ATP10B: variants seen among roughly 807,000 people sequenced by gnomAD.
The protein encoded by ATP10B is phospholipid-transporting ATPase VB.
A neutral mutation model predicts 141.2 loss-of-function variants in ATP10B; 122 were observed. The ratio of observed to expected loss-of-function variants is 0.86; its 90% CI spans 0.75 to 1.00. The LOEUF (loss-of-function observed/expected upper bound fraction) is 1.00. ATP10B is among the 50% of genes least tolerant of loss of function. The pLI is 0.00. For synonymous variants in ATP10B, 685 were observed against 692.0 expected (o/e 0.99, Z 0.16); for missense variants, 1,876 against 1,825.3 (o/e 1.03, Z -0.51).
At chr5:160,621,503 C>CT (rs977644942) in intron 14 of ATP10B, among the ~76,000 whole-genome samples, 35 of 152,212 alleles carry the variant, frequency 2.3e-4, no homozygotes, top group Non-Finnish European at 4.7e-4. Flanking sequence ...AATGGTACTT[C>CT]TTCCCCTCTT....
chr5:160,877,568 T>A, the ATP10B span, among the ~76,000 whole-genome samples: 34 of 150,470 alleles, frequency 2.3e-4, no homozygotes, highest in African/African-American at 8.0e-4. Flanking sequence ...TAAAGGGTAT[T>A]CAATTAGGAA....
In ATP10B at chr5:160,677,933, A is replaced by C. The variant is rs966365463; in HGVS notation, c.471-7266T>G. On this transcript the variant is annotated intron_variant, in intron 6 of 25. Transcript: ENST00000327245. ...TTGCAGCTTTATTAACAGCTGTACA[A>C]ATATGATATTCTAACATAGAGTCTA... 7.2e-5 allele frequency among the ~76,000 whole-genome samples: 11 copies of C among 152,312 alleles called. 1 individual carries two copies. The highest frequency in any genetic ancestry group is 2.4e-4 in the African/African-American group (10 of 41,572).
At chr5:160,707,079 T>C (rs1765061545) in intron 3 of ATP10B, among the ~76,000 whole-genome samples, 2 of 152,046 alleles carry the variant, frequency 1.3e-5, no homozygotes, top group South Asian at 2.1e-4. Flanking sequence ...GCCTCCCTAG[T>C]AGCCGGGATT....
chr5:160,822,877 G>A (rs1168789782), intron 1 of ATP10B, among the ~76,000 whole-genome samples: 1 of 150,696 alleles, frequency 6.6e-6, no homozygotes, highest in African/African-American at 2.4e-5. Context: ...GGGTAGTACA[G>A]GGTAGTTGGA....
the ATP10B span, among the ~76,000 whole-genome samples, chr5:160,875,413 C>T: frequency 6.2e-5 from 7 of 113,804 alleles, 1 homozygote; most frequent in African/African-American, 1.3e-4. Context: ...ACAACCAGTA[C>T]CAGCCACTGC....
intron 24 of ATP10B, among the ~76,000 whole-genome samples, chr5:160,584,585 G>A (rs1755769981): frequency 6.6e-6 from 1 of 151,860 alleles, no homozygotes; most frequent in African/African-American, 2.4e-5. Flanking sequence ...TTAATCTTAA[G>A]ATACTAAAAA....
At chr5:160,723,560 A>G (rs1766120094) in intron 2 of ATP10B, among the ~76,000 whole-genome samples, 1 of 152,194 alleles carries the variant, frequency 6.6e-6, no homozygotes, top group East Asian at 1.9e-4. Context: ...ATTTGTCCCC[A>G]AATGGCCATG....
chr5:160,613,648 A>G (rs1466613059), intron 17 of ATP10B, among the ~76,000 whole-genome samples: 1 of 152,218 alleles, frequency 6.6e-6, no homozygotes, highest in Non-Finnish European at 1.5e-5. Flanking sequence ...ATAGAAGTGG[A>G]AAGACTGAAA....
rs750916412 is a variant in ATP10B at position 160,632,306 on chromosome 5, T to C, written c.1443A>G (p.Gln481=). 6 of 1,614,084 alleles carry C rather than the reference T, an allele frequency of 3.7e-6. No homozygotes were observed. In the African/African-American group the frequency reaches 4.0e-5, roughly 11 times the overall value. Residue 481 remains glutamine (Q), a synonymous_variant, in exon 13 of 26, where the codon CAA becomes CAG. Transcript: ENST00000327245. ...DSDGEEWTQY[Q]CLSFSARWAQ... is the part of the protein sequence containing the mutation. ...CCCATCTAGCCGAGAAGGACAGGCA[T>C]TGGTATTGGGTCCACTCTTCACCAT...
At chr5:160,920,537 TA>T in the ATP10B span, among the ~76,000 whole-genome samples, 2 of 152,362 alleles carry the variant, frequency 1.3e-5, no homozygotes, top group South Asian at 2.1e-4. Context: ...ACATGGAACT[TA>T]CATTGAGAAT....
the ATP10B span, among the ~76,000 whole-genome samples, chr5:160,897,479 C>G: frequency 6.6e-6 from 1 of 152,064 alleles, no homozygotes; most frequent in Non-Finnish European, 1.5e-5. Flanking sequence ...GTATAACTTA[C>G]AAGGGATGTG....
At chr5:160,696,096 A>T (rs559597229) in intron 3 of ATP10B, among the ~76,000 whole-genome samples, 2 of 152,068 alleles carry the variant, frequency 1.3e-5, no homozygotes, top group Admixed American at 1.3e-4. Context: ...AGGTGAACTC[A>T]CTTCTCAAAA....
intron 7 of ATP10B, among the ~76,000 whole-genome samples, chr5:160,661,084 G>T (rs1189072903): frequency 6.6e-6 from 1 of 152,130 alleles, no homozygotes; most frequent in Non-Finnish European, 1.5e-5. Flanking sequence ...TACTCTGGAG[G>T]CTGAGGCAAG....
chr5:160,822,919 A>T (rs529240003), intron 1 of ATP10B, among the ~76,000 whole-genome samples: 138 of 147,978 alleles, frequency 9.3e-4, no homozygotes, highest in African/African-American at 3.0e-3. Flanking sequence ...GGGTACAAAA[A>T]ATAGAAATAA....
intron 24 of ATP10B, among the ~76,000 whole-genome samples, 183 bp downstream of exon 24, chr5:160,589,409 A>G (rs1756126280): frequency 6.6e-6 from 1 of 152,232 alleles, no homozygotes; most frequent in Non-Finnish European, 1.5e-5. Context: ...ATGAAAAGCA[A>G]GTTGATTCCA....
intron 7 of ATP10B, among the ~76,000 whole-genome samples, chr5:160,654,726 T>G (rs78285204): frequency 4.6e-4 from 70 of 152,290 alleles, no homozygotes; most frequent in African/African-American, 1.6e-3. Context: ...ATCATCACCT[T>G]TTATTCCTCC....
the ATP10B span, among the ~76,000 whole-genome samples, chr5:160,885,780 A>G: frequency 2.7e-4 from 41 of 152,330 alleles, no homozygotes; most frequent in South Asian, 2.3e-3. Context: ...ATTGAAGAAA[A>G]TATCTGTAGC....
chr5:160,575,645 TAAC>T (rs1561617656), intron 24 of ATP10B, among the ~76,000 whole-genome samples: 2 of 152,110 alleles, frequency 1.3e-5, no homozygotes, highest in East Asian at 1.9e-4. Flanking sequence ...ATTTTTCATA[TAAC>T]AACAACCCAC....
chr5:160,600,353 A>G (rs1757034243), intron 21 of ATP10B, among the ~76,000 whole-genome samples: 2 of 151,976 alleles, frequency 1.3e-5, no homozygotes, highest in South Asian at 4.2e-4. Flanking sequence ...CTACCTCTAA[A>G]CTTTCTCAGT....
Sources: allele counts gnomAD v4.1 joint callset (sites outside exome capture counted in the v4.1 genomes callset), GRCh38; gene constraint gnomAD v4.1.1; transcripts MANE v1.5; gene names NCBI Gene and HGNC (gene_info 2026-07-23, HGNC 2026-07-21).